Variants in POTEG observed in about 807,000 individuals in gnomAD.
POTEG encodes the protein ANKRD26-like family C member 2.
POTEG carries 2 observed loss-of-function variants against 49.6 expected under a neutral mutation model. The ratio of observed to expected loss-of-function variants is 0.04; its 90% CI spans 0.02 to 0.13. The LOEUF (loss-of-function observed/expected upper bound fraction) is 0.13. POTEG is among the 10% of genes least tolerant of loss of function. The pLI is 1.00. For missense variants in POTEG, 26 were observed against 545.2 expected (o/e 0.05, Z 9.48); for synonymous variants, 7 against 186.6 (o/e 0.04, Z 7.84).
intron 1 of POTEG, among the ~76,000 whole-genome samples, chr14:19,431,156 T>A (rs1453582811): frequency 1.0e-3 from 152 of 148,284 alleles, no homozygotes; most frequent in Non-Finnish European, 1.7e-3. Flanking sequence ...CAGAAACAAG[T>A]TTGATTATAT....
intron 1 of POTEG, among the ~76,000 whole-genome samples, chr14:19,432,432 GTATATATATATATA>G (rs1884190990): frequency 1.6e-5 from 1 of 63,930 alleles, no homozygotes; most frequent in African/African-American, 7.2e-5. Flanking sequence ...ATGTATATAC[GTATATATATATATA>G]CATATATATA....
At chr14:19,415,020 T>A (rs1350281391) in intron 7 of POTEG, among the ~76,000 whole-genome samples, 6 of 144,556 alleles carry the variant, frequency 4.2e-5, no homozygotes, top group Non-Finnish European at 9.3e-5. Context: ...AAACCCTAAC[T>A]AGTGAGCCCC....
rs760011483 is a variant in POTEG, at chr14:19,434,190, A to AG, written c.99dup (p.Trp34LeufsTer118). The AG allele has an allele frequency of 6.2e-7, 1 of 1,614,086 alleles. No individual in the cohort carries two copies. The highest frequency in any genetic ancestry group is 1.1e-5 in the South Asian group (1 of 91,078). ...TTGCTCTTGCCGCTCCCCCTGCACC[A>AG]GGGGAAGCAGTGGCGGCACCACTTG... On this transcript the variant is annotated frameshift_variant, in exon 1 of 11. Coordinates refer to ENST00000547848, the MANE Select transcript of POTEG (RefSeq NM_001005356.3). LOFTEE classifies it high-confidence loss of function.
chr14:19,427,938 AAATG>A (rs1884020732), intron 3 of POTEG, among the ~76,000 whole-genome samples: 1 of 126,398 alleles, frequency 7.9e-6, no homozygotes, highest in Non-Finnish European at 1.7e-5. Context: ...GGAAATAAAT[AAATG>A]AACAACAACA....
chr14:19,432,366 G>GTATATATATA (rs58599371), intron 1 of POTEG, among the ~76,000 whole-genome samples: 23 of 37,856 alleles, frequency 6.1e-4, no homozygotes, highest in East Asian at 1.2e-3. Flanking sequence ...AAGAAATTTT[G>GTATATATATA]TATATATATA....
At chr14:19,419,883 A>G (rs1438547471) in intron 6 of POTEG, among the ~76,000 whole-genome samples, 2 of 138,956 alleles carry the variant, frequency 1.4e-5, no homozygotes, top group Non-Finnish European at 3.1e-5. Flanking sequence ...AGTCCAAAGC[A>G]TTCTACCTGG....
At chr14:19,431,598 C>CTT (rs1198668290) in intron 1 of POTEG, among the ~76,000 whole-genome samples, 121 of 89,456 alleles carry the variant, frequency 1.4e-3, no homozygotes, top group Non-Finnish European at 2.2e-3. Flanking sequence ...TATTTCATTC[C>CTT]TTTTGTTTGT....
At position 19,424,149 on chromosome 14, in the gene POTEG, T is replaced by A. The variant is rs1250006024; in HGVS notation, c.1055+16A>T. The A allele has an allele frequency of 6.6e-7, 1 of 1,514,912 alleles. No homozygotes were observed. The highest frequency in any genetic ancestry group is 8.8e-7 in the Non-Finnish European group (1 of 1,132,356). The allele number at this position is 1,514,912 out of a possible 1,614,324, so 93.8% of individuals were successfully genotyped here. ...CTCAATTTAGCATTAACTAGCCTTT[T>A]AATGTAAACACTTACACATTATGAT... On this transcript the variant is annotated intron_variant, in intron 5 of 10. Transcript: ENST00000547848.
At chr14:19,415,828 AATTTTTTTTTTTTTTT>A (rs1883537211) in intron 7 of POTEG, among the ~76,000 whole-genome samples, 1 of 132,996 alleles carries the variant, frequency 7.5e-6, no homozygotes, top group South Asian at 2.4e-4. Flanking sequence ...AATCTATTAA[AATTTTTTTTTTTTTTT>A]TTTTTTTTTT....
intron 1 of POTEG, among the ~76,000 whole-genome samples, chr14:19,432,405 C>CACAT (rs1555310388): frequency 2.6e-5 from 1 of 39,106 alleles, no homozygotes; most frequent in Non-Finnish European, 5.0e-5. Flanking sequence ...TATATATATA[C>CACAT]ACACACATGT....
chr14:19,415,019 C>A (rs1408439953), intron 7 of POTEG, among the ~76,000 whole-genome samples: 8 of 144,660 alleles, frequency 5.5e-5, no homozygotes, highest in African/African-American at 2.0e-4. Flanking sequence ...GAAACCCTAA[C>A]TAGTGAGCCC....
At chr14:19,432,957 C>A (rs1884221326) in intron 1 of POTEG, among the ~76,000 whole-genome samples, 1 of 34,314 alleles carries the variant, frequency 2.9e-5, no homozygotes, top group Non-Finnish European at 5.9e-5. Flanking sequence ...TGGAGTCTTG[C>A]TCTGTCTCCC....
intron 6 of POTEG, among the ~76,000 whole-genome samples, chr14:19,419,078 T>C (rs1883661180): frequency 1.1e-5 from 1 of 90,300 alleles, no homozygotes; most frequent in Non-Finnish European, 2.0e-5. Context: ...TTTATTTCAC[T>C]ATGGACAGGT....
Position 19,428,786 on chromosome 14 carries a change from A to G in POTEG, c.637-71T>C. On this transcript the variant is annotated intron_variant, in intron 2 of 10. Transcript: ENST00000547848. ...AAATAACATTCCACAGCTTTCACCA[A>G]CTAGTTATATTTAAAGGAGAAAACT... 1.9e-6 allele frequency: 2 copies of G among 1,028,844 alleles called. 1 individual carries two copies. Among genetic ancestry groups the G allele is most frequent in the Admixed American group, 5.7e-5 (2 of 34,996 alleles). The allele number at this position is 1,028,844 out of a possible 1,614,324, so 63.7% of individuals were successfully genotyped here.
At chr14:19,426,555 C>CT in intron 3 of POTEG, among the ~76,000 whole-genome samples, 1 of 152,198 alleles carries the variant, frequency 6.6e-6, no homozygotes, top group Non-Finnish European at 1.5e-5. Flanking sequence ...CCATCCTCTA[C>CT]TTATTGAAAG....
intron 7 of POTEG, among the ~76,000 whole-genome samples, 188 bp downstream of exon 7, chr14:19,416,100 T>A (rs1883555193): frequency 6.8e-6 from 1 of 147,700 alleles, no homozygotes; most frequent in East Asian, 2.0e-4. Context: ...CACCTCAGCC[T>A]CTCAAAGTGC....
At chr14:19,420,064 A>G (rs1286533920) in intron 6 of POTEG, among the ~76,000 whole-genome samples, 1 of 122,412 alleles carries the variant, frequency 8.2e-6, no homozygotes, top group Non-Finnish European at 1.7e-5. Flanking sequence ...TCACTCAAGC[A>G]TCTTGTCTTT....
chr14:19,432,334 T>G (rs1217943910), intron 1 of POTEG, among the ~76,000 whole-genome samples: 2 of 53,874 alleles, frequency 3.7e-5, no homozygotes, highest in South Asian at 1.5e-3. Context: ...GGCAACAGAG[T>G]GAGACTCCAT....
At chr14:19,433,452 C>T (rs879704243) in intron 1 of POTEG, among the ~76,000 whole-genome samples, 32 of 56,632 alleles carry the variant, frequency 5.7e-4, no homozygotes, top group Non-Finnish European at 8.5e-4. Flanking sequence ...ACTTTTTTAA[C>T]GTACAGAACA....
Sources: allele counts gnomAD v4.1 joint callset (sites outside exome capture counted in the v4.1 genomes callset), GRCh38; gene constraint gnomAD v4.1.1; transcripts MANE v1.5; gene names NCBI Gene and HGNC (gene_info 2026-07-23, HGNC 2026-07-21).